Variants in WDR27 observed in about 807,000 individuals in gnomAD.
WDR27 encodes the protein WD repeat domain 27, also known as WD repeat-containing protein 27.
Under a neutral mutation model 114.4 loss-of-function variants are expected in WDR27, and 100 were observed. The observed-to-expected ratio is 0.87, with a 90% CI of 0.74 to 1.03. The LOEUF is 1.03. Ranked by LOEUF, WDR27 falls within the 50% of genes least tolerant of loss-of-function variation. The pLI, the probability that WDR27 is intolerant of heterozygous loss-of-function variation, is 0.00. For synonymous variants in WDR27, 449 were observed against 423.1 expected, an observed-to-expected ratio of 1.06 and a Z score of -0.75; for missense variants, 1,129 against 1,092.9, an observed-to-expected ratio of 1.03 and a Z score of -0.47.
intron 25 of WDR27, among the ~76,000 whole-genome samples, chr6:169,467,282 C>G (rs907859493): frequency 3.3e-5 from 5 of 152,176 alleles, no homozygotes; most frequent in Non-Finnish European, 7.3e-5. Flanking sequence ...ATTCTGGGGT[C>G]TGGAGGATGG....
intron 1 of WDR27, among the ~76,000 whole-genome samples, chr6:169,699,011 A>T (rs1046755176): frequency 9.2e-5 from 14 of 152,216 alleles, no homozygotes; most frequent in African/African-American, 3.1e-4. Flanking sequence ...AAACAAATTC[A>T]GGAGGGGAAA....
At chr6:169,626,350 G>A (rs1490937215) in intron 21 of WDR27, among the ~76,000 whole-genome samples, 1 of 152,162 alleles carries the variant, frequency 6.6e-6, no homozygotes, top group African/African-American at 2.4e-5. Context: ...TGGCTGCAGA[G>A]GCACCAGCCA....
At chr6:169,487,595 A>G (rs1380953957) in intron 25 of WDR27, among the ~76,000 whole-genome samples, 1 of 152,168 alleles carries the variant, frequency 6.6e-6, no homozygotes, top group Non-Finnish European at 1.5e-5. Flanking sequence ...GTGAGCCATG[A>G]GCCTCCCTCT....
At chr6:169,613,164 G>A (rs946680112) in intron 22 of WDR27, among the ~76,000 whole-genome samples, 1 of 152,212 alleles carries the variant, frequency 6.6e-6, no homozygotes, top group African/African-American at 2.4e-5. Context: ...GAGGAGGTAG[G>A]AAAAGGAGAG....
intron 22 of WDR27, among the ~76,000 whole-genome samples, chr6:169,608,226 G>T (rs908585307): frequency 1.3e-5 from 2 of 152,046 alleles, no homozygotes; most frequent in African/African-American, 4.8e-5. Context: ...TCACTACTTG[G>T]TATCTACCCA....
chr6:169,571,608 G>A (rs9478055), intron 25 of WDR27, among the ~76,000 whole-genome samples: 69,457 of 152,160 alleles, frequency 0.46, 19,814 homozygotes, highest in Non-Finnish European at 0.65. Context: ...CAGGAGGATC[G>A]CTTGAGCCCA....
the WDR27 span, chr6:169,426,784 C>G: frequency 1.3e-5 from 2 of 152,418 alleles, no homozygotes; most frequent in African/African-American, 4.8e-5. Context: ...CCAAGCACAG[C>G]GCTGAGCATA....
At chr6:169,545,866 C>T (rs1208332580) in intron 25 of WDR27, among the ~76,000 whole-genome samples, 3 of 151,686 alleles carry the variant, frequency 2.0e-5, no homozygotes, top group Admixed American at 6.6e-5. Flanking sequence ...ATTATATATA[C>T]ATACATATAA....
intron 17 of WDR27, among the ~76,000 whole-genome samples, chr6:169,639,777 C>T (rs908535327): frequency 1.3e-5 from 2 of 152,210 alleles, no homozygotes; most frequent in Non-Finnish European, 2.9e-5. Flanking sequence ...CTGGACCTGT[C>T]TTGCCTCATA....
chr6:169,586,405 A>G (rs1804570283), intron 23 of WDR27, among the ~76,000 whole-genome samples: 1 of 150,082 alleles, frequency 6.7e-6, no homozygotes, highest in South Asian at 2.1e-4. Context: ...TATCTTCCAT[A>G]GCATTGACAA....
chr6:169,551,497 G>T (rs1798086593), intron 25 of WDR27, among the ~76,000 whole-genome samples: 1 of 152,106 alleles, frequency 6.6e-6, no homozygotes, highest in Non-Finnish European at 1.5e-5. Flanking sequence ...TACTTTAGGA[G>T]GCCAAGGTGG....
At chr6:169,685,473 T>C (rs1174305673) in intron 2 of WDR27, among the ~76,000 whole-genome samples, 8 of 152,128 alleles carry the variant, frequency 5.3e-5, no homozygotes, top group Admixed American at 2.0e-4. Context: ...ACTCATGATA[T>C]GAATGAGAAA....
intron 25 of WDR27, among the ~76,000 whole-genome samples, chr6:169,530,426 T>G (rs1795448096): frequency 6.6e-6 from 1 of 152,214 alleles, no homozygotes; most frequent in African/African-American, 2.4e-5. Context: ...ATAAGTTTCT[T>G]GTTCTACGTA....
chr6:169,530,696 T>C (rs1341611176), intron 25 of WDR27, among the ~76,000 whole-genome samples: 1 of 152,192 alleles, frequency 6.6e-6, no homozygotes, highest in East Asian at 1.9e-4. Context: ...CAGCTCAGCC[T>C]TCTTGAGGCC....
chr6:169,469,673 A>T (rs1317617828), intron 25 of WDR27, among the ~76,000 whole-genome samples: 1 of 152,218 alleles, frequency 6.6e-6, no homozygotes, highest in Non-Finnish European at 1.5e-5. Flanking sequence ...TTTCTTGAGA[A>T]ATAGTGCACA....
At chr6:169,695,981 A>G (rs1278104830) in intron 1 of WDR27, among the ~76,000 whole-genome samples, 1 of 152,138 alleles carries the variant, frequency 6.6e-6, no homozygotes, top group Admixed American at 6.5e-5. Context: ...TTTCACCCAA[A>G]GACTCTGGAA....
At chr6:169,526,491 T>A (rs550846494) in intron 25 of WDR27, among the ~76,000 whole-genome samples, 13 of 152,130 alleles carry the variant, frequency 8.5e-5, no homozygotes, top group African/African-American at 3.1e-4. Flanking sequence ...TGGGCGCCCA[T>A]AGTCCCAGCT....
chr6:169,502,457 C>T (rs911475698), intron 25 of WDR27, among the ~76,000 whole-genome samples: 6 of 152,198 alleles, frequency 3.9e-5, no homozygotes, highest in Admixed American at 3.9e-4. Context: ...CTTAAAACAA[C>T]ACCAGTTTAT....
intron 25 of WDR27, among the ~76,000 whole-genome samples, chr6:169,475,559 A>T (rs559967827): frequency 6.6e-6 from 1 of 152,322 alleles, no homozygotes; most frequent in African/African-American, 2.4e-5. Context: ...TTCAATTGAG[A>T]TATTTAAATC....
Sources: allele counts gnomAD v4.1 joint callset (sites outside exome capture counted in the v4.1 genomes callset), GRCh38; gene constraint gnomAD v4.1.1; transcripts MANE v1.5; gene names NCBI Gene and HGNC (gene_info 2026-07-23, HGNC 2026-07-21).